The following MACF1 variants were observed in gnomAD, a reference collection of about 807,000 sequenced individuals.
MACF1 encodes microtubule actin crosslinking factor 1, also known as microtubule-actin cross-linking factor 1.
A neutral mutation model predicts 854.8 loss-of-function variants in MACF1; 193 were observed. That is an observed-to-expected ratio of 0.23 (90% CI 0.20 to 0.25). MACF1 has a LOEUF of 0.25. MACF1 is among the 10% of genes least tolerant of loss of function. MACF1 has a pLI of 1.00. For missense variants in MACF1, 7,722 were observed against 8,929.1 expected (o/e 0.86, Z 5.45); for synonymous variants, 3,185 against 3,226.7 (o/e 0.99, Z 0.44).
rs1229672271 is a variant in MACF1, at chr1:39,358,688, C to T, written c.11944-9C>T. ...CTTAAGTCTGCTTACCTTTCTTTCT[C>T]TGGCACAGTGTACACGATTAGGATC... On this transcript the variant is annotated splice_polypyrimidine_tract_variant and intron_variant, in intron 45 of 100. Transcript: ENST00000564288. 1 of 1,612,794 alleles carries T rather than the reference C, an allele frequency of 6.2e-7. No homozygotes were observed. Among genetic ancestry groups the T allele is most frequent in the African/African-American group, 1.3e-5 (1 of 74,866 alleles).
intron 2 of MACF1, among the ~76,000 whole-genome samples, chr1:39,185,094 A>G (rs1644149210): frequency 6.6e-6 from 1 of 151,970 alleles, no homozygotes; most frequent in East Asian, 1.9e-4. Context: ...GATCGAGACC[A>G]TCCTGGCTAA....
chr1:39,192,003 T>C (rs923509988), intron 2 of MACF1, among the ~76,000 whole-genome samples: 1 of 151,878 alleles, frequency 6.6e-6, no homozygotes, highest in Admixed American at 6.6e-5. Context: ...ATACAAAAAT[T>C]AGCTGGGTGT....
At chr1:39,201,643 C>T (rs496744), upstream of MACF1, among the ~76,000 whole-genome samples, 14,267 of 152,054 alleles carry the variant, frequency 0.094, 1,734 homozygotes, top group African/African-American at 0.29. Flanking sequence ...TGATTCACCG[C>T]GCCAGGCTGA....
At chr1:39,270,663 T>C (rs1645298635) in intron 6 of MACF1, among the ~76,000 whole-genome samples, 1 of 152,128 alleles carries the variant, frequency 6.6e-6, no homozygotes, top group Non-Finnish European at 1.5e-5. Context: ...GATGTTGGCC[T>C]CTGCAGCAGA....
chr1:39,402,270 G>T (rs1642507052), intron 58 of MACF1, among the ~76,000 whole-genome samples: 1 of 152,094 alleles, frequency 6.6e-6, no homozygotes, highest in Non-Finnish European at 1.5e-5. Context: ...AAGCAATTTT[G>T]TGATGATCAT....
chr1:39,207,262 C>T (rs1004267039), intron 1 of MACF1, among the ~76,000 whole-genome samples: 24 of 133,298 alleles, frequency 1.8e-4, no homozygotes, highest in African/African-American at 7.8e-4. Context: ...TTGTTTTTTT[C>T]TTTCTTTCTT....
Position 39,333,264 on chromosome 1 carries a change from A to G in MACF1, c.6676A>G (p.Lys2226Glu). The change falls in exon 37 of 101, where the codon AAA becomes GAA. Residue 2226 changes from lysine (K) to glutamate (E), a missense_variant. Physicochemically the swap from Lys to Glu is moderately conservative, Grantham distance 56 (BLOSUM62 1). Around this residue, in one of 15 missense-constraint regions of MACF1, gnomAD observed 1,531 missense variants for 1,601.6 expected, o/e 0.96. Transcript: ENST00000564288. ...ETDGNVHPLD[K>E]KEMLKKTFLA... The stretch of plus-strand genomic sequence containing the variant: ...TGATGGGAATGTTCATCCTCTGGAC[A>G]AAAAGGAAATGTTAAAGAAAACATT... The G allele has an allele frequency of 6.2e-7, 1 of 1,614,096 alleles. No homozygotes were observed. The highest frequency in any genetic ancestry group is 8.5e-7 in the Non-Finnish European group (1 of 1,180,032).
chr1:39,338,453 A>G (rs1446581821), intron 38 of MACF1, among the ~76,000 whole-genome samples: 2 of 152,206 alleles, frequency 1.3e-5, no homozygotes, highest in Non-Finnish European at 2.9e-5. Context: ...CAAAGCCTCA[A>G]AAATTGGGAG....
At chr1:39,114,297 C>A (rs1642491768) in intron 2 of MACF1, among the ~76,000 whole-genome samples, 1 of 151,742 alleles carries the variant, frequency 6.6e-6, no homozygotes, top group Non-Finnish European at 1.5e-5. Context: ...TAGGATTCGG[C>A]ACTTTCAAAA....
intron 44 of MACF1, among the ~76,000 whole-genome samples, chr1:39,357,051 A>C (rs544943650): frequency 3.3e-5 from 5 of 152,324 alleles, no homozygotes; most frequent in African/African-American, 1.2e-4. Flanking sequence ...TGATCTATTG[A>C]GTAGAGGTAG....
intron 49 of MACF1, among the ~76,000 whole-genome samples, chr1:39,364,397 A>G (rs557071731): frequency 6.7e-6 from 1 of 148,376 alleles, no homozygotes; most frequent in African/African-American, 2.5e-5. Flanking sequence ...GAGTTCTTAT[A>G]TATTAGAGAG....
rs200739487 is a variant in MACF1, at chr1:39,186,214, CTGTGTGTGTGTGTGTGTG to C, written c.221-44952_221-44935del. On this transcript the variant is annotated intron_variant, in intron 2 of 93. Coordinates refer to the MACF1 transcript ENST00000361689. The stretch of plus-strand genomic sequence containing the variant: ...TCTCTCTCTCTCTCTCTCTCTCTCT[CTGTGTGTGTGTGTGTGTG>C]TGTGTGTGTGTGTGTTTTGGTGGGG... Among the ~76,000 whole-genome samples the C allele has an allele frequency of 4.5e-3, 257 of 57,548 alleles. 1 individual carries two copies. The highest frequency in any genetic ancestry group is 0.017 in the East Asian group (31 of 1,774). The allele number at this position is 57,548 out of a possible 152,430, so 37.8% of individuals were successfully genotyped here. A position where few individuals can be genotyped will look rare whatever the true frequency, so the allele number is the denominator to read the frequency against.
intron 2 of MACF1, among the ~76,000 whole-genome samples, chr1:39,239,647 C>T (rs1415130481): frequency 6.6e-6 from 1 of 152,056 alleles, no homozygotes; most frequent in Non-Finnish European, 1.5e-5. Flanking sequence ...AAGTGTATCC[C>T]CCTAAAGAGA....
In MACF1 at chr1:39,361,145, G is replaced by T. The variant is rs746227040; in HGVS notation, c.12453+144G>T. 4.6e-6 allele frequency: 4 copies of T among 861,858 alleles called. No homozygotes were observed. In the African/African-American group the frequency reaches 5.1e-5, roughly 11 times the overall value. 53.4% of individuals were successfully genotyped at this position (861,858 alleles called of 1,614,324 possible). A position where few individuals can be genotyped will look rare whatever the true frequency, so the allele number is the denominator to read the frequency against. On this transcript the variant is annotated intron_variant, in intron 48 of 100. Transcript: ENST00000564288. Reference sequence around the variant, plus strand: ...AGAAATGATAACTAATCTATGTAAAGATATTTCTACCCAGTTGAGCTGGAA... The same window carrying T: ...AGAAATGATAACTAATCTATGTAAATATATTTCTACCCAGTTGAGCTGGAA...
At chr1:39,171,171 T>C (rs1643942843) in intron 2 of MACF1, among the ~76,000 whole-genome samples, 1 of 151,958 alleles carries the variant, frequency 6.6e-6, no homozygotes, top group Admixed American at 6.6e-5. Flanking sequence ...TTCTGGTCCA[T>C]ATTTACTTTT....
intron 72 of MACF1, among the ~76,000 whole-genome samples, chr1:39,440,666 A>C (rs143840605): frequency 9.9e-5 from 15 of 152,194 alleles, no homozygotes; most frequent in African/African-American, 3.4e-4. Context: ...TGTGACTTGT[A>C]CTGTGTTATT....
At chr1:39,315,425 C>T (rs1267661618) in intron 26 of MACF1, 88 bp from the exon 27 acceptor site, 2 of 1,251,010 alleles carry the variant, frequency 1.6e-6, no homozygotes, top group Non-Finnish European at 2.3e-6. Flanking sequence ...AGGTGGTTTC[C>T]AATATTTAGC....
At chr1:39,315,846 A>AT (rs1405639047) in intron 27 of MACF1, among the ~76,000 whole-genome samples, 155 bp downstream of exon 27, 14 of 152,224 alleles carry the variant, frequency 9.2e-5, no homozygotes, top group African/African-American at 3.1e-4. Context: ...TCCTAGTAAC[A>AT]TTAAGTAGGT....
chr1:39,450,813 G>C (rs555951385), intron 84 of MACF1, among the ~76,000 whole-genome samples: 1 of 151,332 alleles, frequency 6.6e-6, no homozygotes. Context: ...GGGTTTCACC[G>C]TGTTAGCCAG....
Sources: allele counts gnomAD v4.1 joint callset (sites outside exome capture counted in the v4.1 genomes callset), GRCh38; gene constraint gnomAD v4.1.1; regional missense constraint gnomAD v4.1.1; transcripts MANE v1.5; gene names NCBI Gene and HGNC (gene_info 2026-07-23, HGNC 2026-07-21).